The following SHC2 variants were observed in gnomAD, a reference collection of about 807,000 sequenced individuals.
SHC2 encodes SHC-transforming protein 2.
In SHC2, 62 loss-of-function variants were observed where a neutral mutation model predicts 60.6. That is an observed-to-expected ratio of 1.02 (90% confidence interval 0.83 to 1.26). The LOEUF (loss-of-function observed/expected upper bound fraction) is 1.26. Among genes scored for constraint, SHC2 ranks in the 50% most tolerant of loss-of-function variants. SHC2 has a pLI of 0.00. For synonymous variants in SHC2, 375 were observed against 372.4 expected (o/e 1.01, Z -0.08); for missense variants, 873 against 822.2 (o/e 1.06, Z -0.76).
chr19:436,382 C>T lies in SHC2; in HGVS notation c.824G>A (p.Arg275Lys), dbSNP rs1394231745. ...AYVAKDPINQRACHILECCEG... is the reference protein window; with the variant it reads ...AYVAKDPINQKACHILECCEG... ...ACCGGCCTCCCCGGGGGCCTCACCTCTCTGGTTGATGGGGTCCTTGGCGAC... is the reference window on the plus strand; with the variant it reads ...ACCGGCCTCCCCGGGGGCCTCACCTTTCTGGTTGATGGGGTCCTTGGCGAC... Residue 275 changes from arginine to lysine, a missense_variant and splice_region_variant, in exon 6 of 13, where the codon AGA becomes AAA. Coordinates refer to ENST00000264554, the MANE Select transcript of SHC2 (RefSeq NM_012435.3). The T allele has an allele frequency of 6.3e-7, 1 of 1,594,524 alleles. No individual in the cohort carries two copies. The highest frequency in any genetic ancestry group is 1.1e-5 in the South Asian group (1 of 90,194).
In SHC2 at chr19:440,853, G is replaced by A. The variant is rs766387860; in HGVS notation, c.539+9C>T. ...GCCCTACGCGGCCAGGGCAGGGTTG[G>A]AGGCTCACCTGGTCACCTGCGTGCG... is the stretch of plus-strand genomic sequence containing the variant. On this transcript the variant is annotated intron_variant, in intron 2 of 12. Coordinates refer to ENST00000264554, the MANE Select transcript of SHC2 (RefSeq NM_012435.3). This position sits in a 1 kb window ranked among gnomAD's most constrained non-coding sequence, Gnocchi z 7.0. The A allele has an allele frequency of 3.7e-6, 6 of 1,612,104 alleles. No homozygotes were observed. In the South Asian group the frequency reaches 6.6e-5, roughly 18 times the overall value.
chr19:448,283 C>T (rs1044990127), intron 1 of SHC2, among the ~76,000 whole-genome samples: 2 of 152,220 alleles, frequency 1.3e-5, no homozygotes, highest in Non-Finnish European at 2.9e-5. Context: ...ATCCTCTCCA[C>T]GTCCCAGAGC....
At chr19:436,528 T>C in intron 5 of SHC2, 97 bp from the exon 6 acceptor site, 1 of 1,582,664 alleles carries the variant, frequency 6.3e-7, no homozygotes, top group Middle Eastern at 1.7e-4. Flanking sequence ...GCAGTGGATG[T>C]GGGCACAGGG....
At chr19:433,431 T>A (rs1287399233) in intron 8 of SHC2, among the ~76,000 whole-genome samples, 5 of 10,290 alleles carry the variant, frequency 4.9e-4, no homozygotes, top group African/African-American at 1.3e-3. Flanking sequence ...TGAGTGAGAG[T>A]TAGAGGAGGC....
At position 453,181 on chromosome 19, in the gene SHC2, G is replaced by A. The variant is rs1234070075; in HGVS notation, c.468+7348C>T. 4 of 152,240 alleles carry A rather than the reference G, an allele frequency of 2.6e-5. No homozygotes were observed. Among genetic ancestry groups the A allele is most frequent in the African/African-American group, 4.8e-5 (2 of 41,454 alleles). 9.4% of individuals were successfully genotyped at this position (152,240 alleles called of 1,614,324 possible). A position where few individuals can be genotyped will look rare whatever the true frequency, so the allele number is the denominator to read the frequency against. On this transcript the variant is annotated intron_variant, in intron 1 of 12. Coordinates refer to ENST00000264554, the MANE Select transcript of SHC2 (RefSeq NM_012435.3). This position sits in a 1 kb window ranked among gnomAD's most constrained non-coding sequence, Gnocchi z 6.3. ...AAACAGCCCAATGTTGTCTGGCCTT[G>A]GAAGCTGAGCAGGGTCGGGCCTGAT...
chr19:453,459 AC>A lies in SHC2; in HGVS notation c.468+7069del, dbSNP rs1975250559. On this transcript the variant is annotated intron_variant, in intron 1 of 12. Transcript: ENST00000264554. The surrounding 1 kb of genome is among the most constrained non-coding windows in gnomAD (Gnocchi z 6.3). ...TAATGTTTTTTCTTTTTTGGTAGAGACAGGGTTTCACCAAGCTGCCCAGGCT... is the reference window on the plus strand; with the variant it reads ...TAATGTTTTTTCTTTTTTGGTAGAGAAGGGTTTCACCAAGCTGCCCAGGCT... Among the ~76,000 whole-genome samples, 1 of 151,992 alleles carries A rather than the reference AC, an allele frequency of 6.6e-6. No individual in the cohort carries two copies. Among genetic ancestry groups the A allele is most frequent in the African/African-American group, 2.4e-5 (1 of 41,378 alleles).
chr19:424,880 A>C lies in SHC2; in HGVS notation c.1309+217T>G, dbSNP rs1600276201. Among the ~76,000 whole-genome samples, 1 of 152,136 alleles carries C rather than the reference A, an allele frequency of 6.6e-6. No individual in the cohort carries two copies. The highest frequency in any genetic ancestry group is 2.1e-4 in the South Asian group (1 of 4,826). On this transcript the variant is annotated intron_variant, in intron 10 of 12. Coordinates refer to ENST00000264554, the MANE Select transcript of SHC2 (RefSeq NM_012435.3). The surrounding 1 kb of genome is among the most constrained non-coding windows in gnomAD (Gnocchi z 4.5). ...CTCCCCTGTCAGACTGGCCCCTTTT[A>C]AGGCAGAGTCCAGGACACCCCCATC...
At chr19:457,312 C>A (rs1452278777) in intron 1 of SHC2, among the ~76,000 whole-genome samples, 1 of 140,192 alleles carries the variant, frequency 7.1e-6, no homozygotes, top group South Asian at 2.9e-4. Context: ...CCTGCTGTAC[C>A]CCCCCTAGAT....
At chr19:455,551 G>A (rs768614927) in intron 1 of SHC2, among the ~76,000 whole-genome samples, 2 of 152,238 alleles carry the variant, frequency 1.3e-5, no homozygotes, top group East Asian at 1.9e-4. Flanking sequence ...CCCACACACC[G>A]GGATCGCTGC....
intron 9 of SHC2, among the ~76,000 whole-genome samples, chr19:426,375 G>A (rs956461926): frequency 6.7e-6 from 1 of 150,296 alleles, no homozygotes; most frequent in African/African-American, 2.5e-5. Flanking sequence ...GCAGAGTCCG[G>A]GGAGGGAGGA....
At chr19:430,843 G>A (rs1974569088) in intron 8 of SHC2, 96 bp from the exon 9 acceptor site, 1 of 1,123,046 alleles carries the variant, frequency 8.9e-7, no homozygotes, top group South Asian at 1.4e-5. Flanking sequence ...TTAGATGGCT[G>A]GAGACTTAGG....
rs559848594 is a variant in SHC2, at chr19:451,843, C to T, written c.468+8686G>A. Among the ~76,000 whole-genome samples the T allele has an allele frequency of 5.9e-5, 9 of 152,264 alleles. No individual in the cohort carries two copies. The East Asian group carries it at 7.7e-4, about 13-fold the overall frequency. ...AACTCCTGACCTCAGGTGATCAGCC[C>T]GCCTCTGCCTCCCAAAGTGCTGGGA... On this transcript the variant is annotated intron_variant, in intron 1 of 12. Transcript: ENST00000264554.
intron 1 of SHC2, among the ~76,000 whole-genome samples, chr19:447,826 G>A (rs1975086688): frequency 6.6e-6 from 1 of 152,100 alleles, no homozygotes; most frequent in African/African-American, 2.4e-5. Flanking sequence ...ACTTCACACT[G>A]CAACCATAAC....
intron 8 of SHC2, 22 bp from the exon 9 acceptor site, chr19:430,769 G>GT (rs1568285588): frequency 6.2e-7 from 1 of 1,610,556 alleles, no homozygotes; most frequent in Admixed American, 1.7e-5. Context: ...GCAGTGAGAG[G>GT]TTCCCCGGTG....
At chr19:455,549 C>T (rs1975322542) in intron 1 of SHC2, among the ~76,000 whole-genome samples, 6 of 152,278 alleles carry the variant, frequency 3.9e-5, no homozygotes, top group Admixed American at 3.9e-4. Flanking sequence ...CTCCCACACA[C>T]CGGGATCGCT....
intron 7 of SHC2, 54 bp downstream of exon 7, chr19:436,094 TGGAGCAGGCTCTGCACC>T: frequency 6.5e-7 from 1 of 1,535,248 alleles, no homozygotes; most frequent in Non-Finnish European, 8.9e-7. Flanking sequence ...CTGCAGGAGG[TGGAGCAGGCTCTGCACC>T]TGGGCAGGTC....
At chr19:460,356 C>A (rs1027057061) in intron 1 of SHC2, among the ~76,000 whole-genome samples, 173 bp downstream of exon 1, 1 of 151,662 alleles carries the variant, frequency 6.6e-6, no homozygotes, top group Non-Finnish European at 1.5e-5. Flanking sequence ...CCCAGCGCCT[C>A]CGGGTGGGGG....
chr19:447,429 C>T (rs916634651), intron 1 of SHC2, among the ~76,000 whole-genome samples: 1 of 152,232 alleles, frequency 6.6e-6, no homozygotes, highest in Non-Finnish European at 1.5e-5. Context: ...ATACACCGCC[C>T]TGCACAGTTT....
chr19:451,236 T>C (rs1353846185), intron 1 of SHC2, among the ~76,000 whole-genome samples: 1 of 104,030 alleles, frequency 9.6e-6, no homozygotes, highest in Admixed American at 9.9e-5. Flanking sequence ...GGCCACGTCA[T>C]ATTTCAGTGT....
Sources: gnomAD v4.1 joint callset for allele counts (sites outside exome capture counted in the v4.1 genomes callset) on GRCh38, gnomAD v4.1.1 for gene constraint, Gnocchi (gnomAD v3.1) non-coding constraint, MANE v1.5 for transcripts, NCBI Gene and HGNC (gene_info 2026-07-23, HGNC 2026-07-21) for gene names.